SRD5A2: variants seen among roughly 807,000 people sequenced by gnomAD.
SRD5A2 encodes the protein 3-oxo-5-alpha-steroid 4-dehydrogenase 2.
SRD5A2 carries 30 observed loss-of-function variants against 27.4 expected under a neutral mutation model. That is an observed-to-expected ratio of 1.10 (90% CI 0.82 to 1.49). The LOEUF (loss-of-function observed/expected upper bound fraction) is 1.49, where lower values mean the gene tolerates loss of function less well. SRD5A2 is among the 40% of genes most tolerant of loss of function. SRD5A2 has a pLI of 0.00. For missense variants in SRD5A2, 348 were observed against 323.4 expected, an observed-to-expected ratio of 1.08 and a Z score of -0.58; for synonymous variants, 141 against 133.6, an observed-to-expected ratio of 1.06 and a Z score of -0.38.
the SRD5A2 span, among the ~76,000 whole-genome samples, chr2:31,589,527 T>A: frequency 6.6e-6 from 1 of 152,052 alleles, no homozygotes; most frequent in African/African-American, 2.4e-5. Flanking sequence ...AACACCTCCA[T>A]TGGGGAAAGA....
intron 1 of SRD5A2, among the ~76,000 whole-genome samples, chr2:31,578,519 G>A (rs915279835): frequency 5.9e-5 from 9 of 152,180 alleles, no homozygotes; most frequent in Admixed American, 2.0e-4. Flanking sequence ...TACTCAGAGT[G>A]TTTGGCACAC....
chr2:31,537,223 T>C (rs1666045110), intron 1 of SRD5A2, among the ~76,000 whole-genome samples: 1 of 152,332 alleles, frequency 6.6e-6, no homozygotes, highest in South Asian at 2.1e-4. Flanking sequence ...AAAGTTTCCA[T>C]GTATATATTT....
intron 1 of SRD5A2, among the ~76,000 whole-genome samples, chr2:31,576,001 T>C (rs1303378511): frequency 6.6e-6 from 1 of 152,132 alleles, no homozygotes; most frequent in Non-Finnish European, 1.5e-5. Context: ...GTGAGATGGA[T>C]GGATTAAAGA....
At chr2:31,612,540 A>C in the SRD5A2 span, among the ~76,000 whole-genome samples, 1 of 152,212 alleles carries the variant, frequency 6.6e-6, no homozygotes, top group East Asian at 1.9e-4. Flanking sequence ...AAAGAAATAT[A>C]GTTCATGTTC....
At chr2:31,591,175 G>T in the SRD5A2 span, among the ~76,000 whole-genome samples, 1 of 152,164 alleles carries the variant, frequency 6.6e-6, no homozygotes, top group East Asian at 1.9e-4. Flanking sequence ...GAACATTTTT[G>T]CAATCTATTC....
the SRD5A2 span, among the ~76,000 whole-genome samples, chr2:31,598,415 G>C: frequency 6.6e-6 from 1 of 151,370 alleles, no homozygotes; most frequent in Admixed American, 6.6e-5. Context: ...TCCATGTAAT[G>C]AAACACCACC....
At chr2:31,616,990 A>C in the SRD5A2 span, among the ~76,000 whole-genome samples, 1 of 152,108 alleles carries the variant, frequency 6.6e-6, no homozygotes, top group African/African-American at 2.4e-5. Flanking sequence ...GTGGTAGTGA[A>C]TAAGTCTTAT....
At chr2:31,603,150 T>A in the SRD5A2 span, among the ~76,000 whole-genome samples, 1 of 151,738 alleles carries the variant, frequency 6.6e-6, no homozygotes, top group Non-Finnish European at 1.5e-5. Context: ...TGGGAGAAAA[T>A]TTTTTCAATC....
At chr2:31,605,393 A>G in the SRD5A2 span, among the ~76,000 whole-genome samples, 1 of 151,878 alleles carries the variant, frequency 6.6e-6, no homozygotes, top group Non-Finnish European at 1.5e-5. Flanking sequence ...CAAAGTGTTC[A>G]TCTGACAAGG....
chr2:31,572,716 A>T (rs1408262971), intron 1 of SRD5A2, among the ~76,000 whole-genome samples: 3 of 152,224 alleles, frequency 2.0e-5, no homozygotes, highest in Non-Finnish European at 4.4e-5. Context: ...TAGAAGTAAG[A>T]TCATGTACTG....
the SRD5A2 span, among the ~76,000 whole-genome samples, chr2:31,604,682 C>T: frequency 2.0e-5 from 3 of 151,766 alleles, no homozygotes; most frequent in Non-Finnish European, 4.4e-5. Flanking sequence ...AAAGATATTC[C>T]ATGTTCAGGG....
At chr2:31,605,900 A>G in the SRD5A2 span, among the ~76,000 whole-genome samples, 1 of 151,932 alleles carries the variant, frequency 6.6e-6, no homozygotes, top group African/African-American at 2.4e-5. Flanking sequence ...AGCAACCTAA[A>G]TGTCCATTAA....
intron 1 of SRD5A2, among the ~76,000 whole-genome samples, chr2:31,559,648 T>C (rs900217241): frequency 6.6e-6 from 1 of 152,116 alleles, no homozygotes; most frequent in South Asian, 2.1e-4. Context: ...TAAGATGGCC[T>C]AAAATTTAAA....
chr2:31,604,064 A>G, the SRD5A2 span, among the ~76,000 whole-genome samples: 1 of 151,988 alleles, frequency 6.6e-6, no homozygotes, highest in Admixed American at 6.6e-5. Flanking sequence ...AAAATTGGAA[A>G]TTTTTAAAAA....
At chr2:31,599,742 G>T in the SRD5A2 span, among the ~76,000 whole-genome samples, 1 of 151,556 alleles carries the variant, frequency 6.6e-6, no homozygotes, top group Non-Finnish European at 1.5e-5. Context: ...AGAAAAGCAA[G>T]ATCAAACCAA....
At chr2:31,605,256 T>C in the SRD5A2 span, among the ~76,000 whole-genome samples, 1 of 151,720 alleles carries the variant, frequency 6.6e-6, no homozygotes. Flanking sequence ...TCTTGGGTAC[T>C]ACCCACAAGC....
the SRD5A2 span, among the ~76,000 whole-genome samples, chr2:31,616,817 G>A: frequency 6.6e-6 from 1 of 152,146 alleles, no homozygotes; most frequent in African/African-American, 2.4e-5. Flanking sequence ...TGAAATGTGA[G>A]GACATGAGAT....
intron 1 of SRD5A2, among the ~76,000 whole-genome samples, chr2:31,546,448 T>C (rs778856788): frequency 3.3e-5 from 5 of 152,200 alleles, no homozygotes; most frequent in Non-Finnish European, 7.3e-5. Context: ...CATCTTGGAA[T>C]ACTATGCAGC....
chr2:31,556,853 C>T (rs1056532322), intron 1 of SRD5A2, among the ~76,000 whole-genome samples: 1 of 152,148 alleles, frequency 6.6e-6, no homozygotes, highest in Admixed American at 6.5e-5. Flanking sequence ...TTCAGACATC[C>T]AGTAAGGGAA....
Sources: gnomAD v4.1 joint callset for allele counts (sites outside exome capture counted in the v4.1 genomes callset) on GRCh38, gnomAD v4.1.1 for gene constraint, MANE v1.5 for transcripts, NCBI Gene and HGNC (gene_info 2026-07-23, HGNC 2026-07-21) for gene names.